The following NAALADL2 variants were observed in gnomAD, a reference collection of about 807,000 sequenced individuals.
NAALADL2 encodes inactive N-acetylated-alpha-linked acidic dipeptidase-like protein 2.
A neutral mutation model predicts 87.2 loss-of-function variants in NAALADL2; 76 were observed. The ratio of observed to expected loss-of-function variants is 0.87; its 90% CI spans 0.72 to 1.05. NAALADL2 has a LOEUF of 1.05. Among genes scored for constraint, NAALADL2 ranks in the 50% least tolerant of loss-of-function variants. The pLI, the probability that NAALADL2 is intolerant of heterozygous loss-of-function variation, is 0.00. For missense variants in NAALADL2, 1,089 were observed against 945.8 expected (o/e 1.15, Z -1.99); for synonymous variants, 354 against 331.0 (o/e 1.07, Z -0.75).
At chr3:174,949,875 T>C (rs1004228737) in intron 1 of NAALADL2, among the ~76,000 whole-genome samples, 34 of 152,206 alleles carry the variant, frequency 2.2e-4, no homozygotes, top group African/African-American at 6.8e-4. Context: ...CATATTGAGA[T>C]AACTATCCAT....
intron 9 of NAALADL2, among the ~76,000 whole-genome samples, chr3:175,476,713 T>C (rs1725749578): frequency 6.6e-6 from 1 of 152,160 alleles, no homozygotes; most frequent in African/African-American, 2.4e-5. Flanking sequence ...CAGCTTTGTC[T>C]GCTGAGGTAC....
intron 11 of NAALADL2, among the ~76,000 whole-genome samples, chr3:175,722,361 A>T (rs1742352888): frequency 6.6e-6 from 1 of 152,138 alleles, no homozygotes; most frequent in Non-Finnish European, 1.5e-5. Flanking sequence ...GGACAAATAA[A>T]GTTATTCCAT....
At chr3:174,592,695 A>C (rs1056147143) in intron 2 of NAALADL2, among the ~76,000 whole-genome samples, 1 of 152,272 alleles carries the variant, frequency 6.6e-6, no homozygotes, top group East Asian at 1.9e-4. Flanking sequence ...ACTAGCAGAA[A>C]TATTTACTTC....
At chr3:174,519,326 C>CTTTTTTTTTTTTTTTT (rs557612913) in intron 1 of NAALADL2, among the ~76,000 whole-genome samples, 1 of 128,928 alleles carries the variant, frequency 7.8e-6, no homozygotes, top group African/African-American at 2.9e-5. Context: ...TGAAGATTTC[C>CTTTTTTTTTTTTTTTT]TTTTTTTTTT....
chr3:175,506,850 A>G (rs148658431), intron 9 of NAALADL2, among the ~76,000 whole-genome samples: 15 of 152,302 alleles, frequency 9.8e-5, no homozygotes, highest in African/African-American at 2.6e-4. Context: ...CATAGTTATA[A>G]GGTGCTCCTG....
In NAALADL2 at chr3:175,320,930, C is replaced by T. The variant is rs570925730; in HGVS notation, c.940-3245C>T. On this transcript the variant is annotated intron_variant, in intron 4 of 13. Transcript: ENST00000454872. The stretch of plus-strand genomic sequence containing the variant: ...GTACAAGGAGGAACTGGTACCATTC[C>T]TTCTGAAACTATTCCAATCAATAGA... Among the ~76,000 whole-genome samples, 608 of 150,062 alleles carry T rather than the reference C, an allele frequency of 4.1e-3. 11 individuals are homozygous for T. The highest frequency in any genetic ancestry group is 0.038 in the Admixed American group (562 of 14,900).
chr3:174,592,033 G>A (rs552068096), intron 2 of NAALADL2, among the ~76,000 whole-genome samples: 16 of 152,084 alleles, frequency 1.1e-4, no homozygotes, highest in South Asian at 2.1e-4. Context: ...AGTGTCATAC[G>A]TGTGTGAGTT....
intron 1 of NAALADL2, among the ~76,000 whole-genome samples, chr3:175,008,651 G>A (rs1366397458): frequency 6.6e-6 from 1 of 151,994 alleles, no homozygotes; most frequent in Non-Finnish European, 1.5e-5. Flanking sequence ...TTGCAGTGGT[G>A]GTGGCTTTGT....
chr3:174,490,889 C>A (rs1326254230), intron 1 of NAALADL2, among the ~76,000 whole-genome samples: 1 of 151,886 alleles, frequency 6.6e-6, no homozygotes, highest in East Asian at 1.9e-4. Flanking sequence ...TATTTAGTAC[C>A]ACCATCAATT....
intron 2 of NAALADL2, among the ~76,000 whole-genome samples, chr3:175,212,579 C>A (rs2109278103): frequency 6.6e-6 from 1 of 151,902 alleles, no homozygotes; most frequent in South Asian, 2.1e-4. Context: ...CTCTCCTCAT[C>A]CCCTTTCCTC....
chr3:174,538,897 G>A (rs1230540546), intron 1 of NAALADL2, among the ~76,000 whole-genome samples: 2 of 152,242 alleles, frequency 1.3e-5, no homozygotes, highest in Non-Finnish European at 1.5e-5. Context: ...ATTGATTGAT[G>A]CCTTATGTCT....
chr3:175,060,147 C>G (rs898789462), intron 1 of NAALADL2: 9 of 183,958 alleles, frequency 4.9e-5, no homozygotes, highest in Non-Finnish European at 4.9e-5. Flanking sequence ...CGAAGACACA[C>G]AGAAAGAAAA....
chr3:175,387,730 A>G (rs1379202565), intron 5 of NAALADL2, among the ~76,000 whole-genome samples: 1 of 152,118 alleles, frequency 6.6e-6, no homozygotes, highest in African/African-American at 2.4e-5. Context: ...TGCTAATAGT[A>G]CTAACAAATT....
In NAALADL2 at chr3:175,487,740, A is replaced by C. The variant is rs555614065; in HGVS notation, c.1653+15982A>C. On this transcript the variant is annotated intron_variant, in intron 9 of 13. Coordinates refer to ENST00000454872, the MANE Select transcript of NAALADL2 (RefSeq NM_207015.3). ...AATGCAAACAGTGTCTGAACAACTT[A>C]ATGTAAAGATACATTGTAGTAGAAA... 4.8e-5 allele frequency: 14 copies of C among 289,578 alleles called. No individual in the cohort carries two copies. The East Asian group carries it at 1.2e-3, about 25-fold the overall frequency. The allele number at this position is 289,578 out of a possible 1,614,324, so 17.9% of individuals were successfully genotyped here. A position where few individuals can be genotyped will look rare whatever the true frequency, so the allele number is the denominator to read the frequency against.
At chr3:174,521,212 A>G (rs942576703) in intron 1 of NAALADL2, among the ~76,000 whole-genome samples, 1 of 152,224 alleles carries the variant, frequency 6.6e-6, no homozygotes, top group Non-Finnish European at 1.5e-5. Flanking sequence ...TTGAATGTTT[A>G]TTGCAACACT....
chr3:175,698,686 G>A (rs553327694), intron 11 of NAALADL2, among the ~76,000 whole-genome samples: 1 of 151,318 alleles, frequency 6.6e-6, no homozygotes, highest in Non-Finnish European at 1.5e-5. Context: ...AAGAATTCGT[G>A]TCATGTGCCA....
intron 1 of NAALADL2, among the ~76,000 whole-genome samples, chr3:174,970,234 A>C (rs1373732118): frequency 6.6e-6 from 1 of 152,224 alleles, no homozygotes; most frequent in African/African-American, 2.4e-5. Flanking sequence ...AGCCAATCCC[A>C]AGACTACATT....
At chr3:174,609,115 A>C (rs144749521) in intron 2 of NAALADL2, among the ~76,000 whole-genome samples, 52,280 of 151,344 alleles carry the variant, frequency 0.35, 10,244 homozygotes, top group Non-Finnish European at 0.46. Context: ...ATTCAACAAC[A>C]CTTCATGCTA....
intron 12 of NAALADL2, among the ~76,000 whole-genome samples, chr3:175,749,153 A>G (rs1559969457): frequency 2.2e-5 from 2 of 90,388 alleles, no homozygotes; most frequent in Middle Eastern, 5.8e-3. Context: ...AGGGGAAGGG[A>G]GGGGAGGGGA....
Sources: allele counts gnomAD v4.1 joint callset (sites outside exome capture counted in the v4.1 genomes callset), GRCh38; gene constraint gnomAD v4.1.1; transcripts MANE v1.5; gene names NCBI Gene and HGNC (gene_info 2026-07-23, HGNC 2026-07-21).